The following PUS7L variants were observed in gnomAD, a reference collection of about 807,000 sequenced individuals.
PUS7L encodes the protein pseudouridine synthase 7 like, also known as pseudouridylate synthase PUS7L.
Under a neutral mutation model 51.1 loss-of-function variants are expected in PUS7L, and 49 were observed. The observed-to-expected ratio is 0.96, with a 90% CI of 0.76 to 1.22. The LOEUF is 1.22. Among genes scored for constraint, PUS7L ranks in the 50% most tolerant of loss-of-function variants. PUS7L has a pLI of 0.00. For missense variants in PUS7L, 828 were observed against 820.6 expected (o/e 1.01, Z -0.11); for synonymous variants, 277 against 276.2 (o/e 1.00, Z -0.03).
At position 43,726,688 on chromosome 12, in the gene PUS7L, T is replaced by G. The variant is rs926837866; in HGVS notation, c.*3688A>C. On this transcript the variant is annotated 3_prime_UTR_variant, in exon 9 of 9. Coordinates refer to ENST00000344862, the MANE Select transcript of PUS7L (RefSeq NM_031292.5). ...AATAAAAATACAAAAATTAGCCAGG[T>G]GTGGTGGTGGCCACTTGTAATCCCA... The G allele has an allele frequency of 6.6e-6, 1 of 151,816 alleles. No individual in the cohort carries two copies. The highest frequency in any genetic ancestry group is 2.4e-5 in the African/African-American group (1 of 41,280). 9.4% of individuals were successfully genotyped at this position (151,816 alleles called of 1,614,324 possible). A position where few individuals can be genotyped will look rare whatever the true frequency, so the allele number is the denominator to read the frequency against.
At position 43,748,585 on chromosome 12, in the gene PUS7L, A is replaced by G. The variant is rs1358841906; in HGVS notation, c.935T>C (p.Leu312Pro). ...AAAACCAATCGCTTCAAACATTTCC[A>G]GGTTTTCCTTTCGTAGGGTAAAAGC... ...YTAFTLRKEN[L>P]EMFEAIGFLA... Residue 312 changes from leucine (L) to proline (P), a missense_variant, in exon 3 of 9, where the codon CTG becomes CCG. Transcript: ENST00000344862. 3 of 1,589,842 alleles carry G rather than the reference A, an allele frequency of 1.9e-6. No individual in the cohort carries two copies. The highest frequency in any genetic ancestry group is 1.4e-5 in the African/African-American group (1 of 73,104).
intron 3 of PUS7L, 24 bp from the exon 4 acceptor site, chr12:43,746,262 C>A: frequency 9.6e-7 from 1 of 1,042,234 alleles, no homozygotes; most frequent in Non-Finnish European, 1.4e-6. Context: ...ATCATATAAA[C>A]TCAGTTAAAT....
At chr12:43,749,592 C>T (rs548575858) in intron 2 of PUS7L, among the ~76,000 whole-genome samples, 1 of 152,198 alleles carries the variant, frequency 6.6e-6, no homozygotes, top group Non-Finnish European at 1.5e-5. Context: ...ACTGCTTGAT[C>T]CTAGGAGGTC....
intron 7 of PUS7L, among the ~76,000 whole-genome samples, chr12:43,732,619 A>G (rs994790638): frequency 4.6e-5 from 7 of 152,182 alleles, no homozygotes; most frequent in African/African-American, 1.7e-4. Flanking sequence ...TCTCTTATAC[A>G]TGAAAGCTCA....
Position 43,736,432 on chromosome 12 carries a change from A to G in PUS7L, c.1674T>C (p.Asp558=). The change falls in exon 7 of 9, where the codon GAT becomes GAC. Residue 558 remains aspartate, a synonymous_variant. Coordinates refer to ENST00000344862, the MANE Select transcript of PUS7L (RefSeq NM_031292.5). ...ETYGARVVQG[D]LVCLDEDIDD... ...CAATGTCTTCATCCAAACAGACCAA[A>G]TCACCCTGCACTACTCTTGCTCCAT... 6.2e-7 allele frequency: 1 copy of G among 1,614,198 alleles called. No homozygotes were observed. Among genetic ancestry groups the G allele is most frequent in the South Asian group, 1.1e-5 (1 of 91,092 alleles).
intron 4 of PUS7L, 195 bp from the exon 5 acceptor site, chr12:43,742,750 G>T: frequency 1.6e-6 from 1 of 626,126 alleles, no homozygotes; most frequent in Non-Finnish European, 2.0e-6. Flanking sequence ...TTAGAAGTTA[G>T]AACATAAAAC....
Position 43,758,764 on chromosome 12 carries a change from C to T in PUS7L, c.-51G>A. ...GTGGAAGGCATTCATTTGCACAACG[C>T]TGTGCGCATGCCCGGAAGCCTTAAG... On this transcript the variant is annotated 5_prime_UTR_variant, in exon 1 of 9. Transcript: ENST00000344862. 1 of 977,810 alleles carries T rather than the reference C, an allele frequency of 1.0e-6. No individual in the cohort carries two copies. The highest frequency in any genetic ancestry group is 1.2e-6 in the Non-Finnish European group (1 of 823,882). The allele number at this position is 977,810 out of a possible 1,614,324, so 60.6% of individuals were successfully genotyped here.
At chr12:43,752,257 G>A (rs1938488718) in intron 2 of PUS7L, among the ~76,000 whole-genome samples, 2 of 152,182 alleles carry the variant, frequency 1.3e-5, no homozygotes, top group African/African-American at 2.4e-5. Context: ...CTGGCTGTTG[G>A]CATGAAGCTC....
chr12:43,749,082 TA>T (rs1315062537), intron 2 of PUS7L, among the ~76,000 whole-genome samples: 1 of 152,226 alleles, frequency 6.6e-6, no homozygotes, highest in Non-Finnish European at 1.5e-5. Flanking sequence ...CTGTTATTTT[TA>T]AACTGCTGGT....
chr12:43,730,787 A>C, intron 8 of PUS7L, 85 bp from the exon 9 acceptor site: 1 of 847,536 alleles, frequency 1.2e-6, no homozygotes, highest in Non-Finnish European at 1.8e-6. Flanking sequence ...TATGACTGCG[A>C]CCTGGATTTG....
rs1477817282 is a variant in PUS7L at position 43,726,331 on chromosome 12, T to C, written c.*4045A>G. On this transcript the variant is annotated 3_prime_UTR_variant, in exon 9 of 9. Coordinates refer to ENST00000344862, the MANE Select transcript of PUS7L (RefSeq NM_031292.5). ...ATTTAATAAATGGTGCTGGGATAAC[T>C]GGTTAGCCACATCCTGAGGATTGAA... 1.3e-5 allele frequency: 2 copies of C among 152,222 alleles called. No individual in the cohort carries two copies. The highest frequency in any genetic ancestry group is 4.8e-5 in the African/African-American group (2 of 41,460). 9.4% of individuals were successfully genotyped at this position (152,222 alleles called of 1,614,324 possible). A position where few individuals can be genotyped will look rare whatever the true frequency, so the allele number is the denominator to read the frequency against.
rs1565636352 is a variant in PUS7L, at chr12:43,742,549, C to T, written c.1270G>A (p.Gly424Ser). Residue 424 changes from glycine to serine, a missense_variant, in exon 5 of 9, where the codon GGC (glycine) becomes AGC (serine). Coordinates refer to ENST00000344862, the MANE Select transcript of PUS7L (RefSeq NM_031292.5). ...TGTGGTCCATAGTAATTCACAAAGCCTTTTTTCTATGTATACAAAATAATC... is the reference window on the plus strand; with the variant it reads ...TGTGGTCCATAGTAATTCACAAAGCTTTTTTTCTATGTATACAAAATAATC... ...MEAIENVKKK[G>S]FVNYYGPQRF... 2.5e-6 allele frequency: 4 copies of T among 1,596,582 alleles called. No individual in the cohort carries two copies. In the East Asian group the frequency reaches 6.8e-5, roughly 27 times the overall value.
At chr12:43,731,183 A>AT (rs1241925054) in intron 8 of PUS7L, among the ~76,000 whole-genome samples, 1 of 152,196 alleles carries the variant, frequency 6.6e-6, no homozygotes. Flanking sequence ...TAAACACTGC[A>AT]TTTTGTGGGT....
rs1375649942 is a variant in PUS7L at position 43,721,667 on chromosome 12, A to G, written c.*8709T>C. On this transcript the variant is annotated 3_prime_UTR_variant, in exon 9 of 9. Coordinates refer to ENST00000344862, the MANE Select transcript of PUS7L (RefSeq NM_031292.5). Reference sequence around the variant, plus strand: ...AATACAATGTGAGCCATGAGATGGTAGAGAACTATACAAAAGGCTATGAGA... The same window carrying G: ...AATACAATGTGAGCCATGAGATGGTGGAGAACTATACAAAAGGCTATGAGA... The G allele has an allele frequency of 1.3e-5, 2 of 152,212 alleles. No homozygotes were observed. The highest frequency in any genetic ancestry group is 1.3e-4 in the Admixed American group (2 of 15,290). 9.4% of individuals were successfully genotyped at this position (152,212 alleles called of 1,614,324 possible).
chr12:43,735,451 A>G lies in PUS7L; in HGVS notation c.1725+930T>C, dbSNP rs1165583411. ...TAACTTCACTAATATAAATGTCTCT[A>G]AGACATTGTTAAGAGGAAATTATGA... On this transcript the variant is annotated intron_variant, in intron 7 of 8. Coordinates refer to ENST00000344862, the MANE Select transcript of PUS7L (RefSeq NM_031292.5). 2.0e-5 allele frequency among the ~76,000 whole-genome samples: 3 copies of G among 152,184 alleles called. No homozygotes were observed. In the South Asian group the frequency reaches 6.2e-4, roughly 32 times the overall value.
At chr12:43,734,858 G>T (rs879714101) in intron 7 of PUS7L, among the ~76,000 whole-genome samples, 1 of 152,238 alleles carries the variant, frequency 6.6e-6, no homozygotes, top group South Asian at 2.1e-4. Context: ...TGTTACATAC[G>T]AAAGTGTTAC....
rs529620907 is a variant in PUS7L at position 43,742,317 on chromosome 12, A to G, written c.1362+140T>C. On this transcript the variant is annotated intron_variant, in intron 5 of 8. Coordinates refer to ENST00000344862, the MANE Select transcript of PUS7L (RefSeq NM_031292.5). ...ATCAAGGACAGAGCAGCAGCTTACT[A>G]AATGTTCAGTAATGTAATATATTTG... 1.5e-4 allele frequency: 94 copies of G among 608,674 alleles called. 3 individuals carry two copies. The South Asian group carries it at 1.7e-3, about 11-fold the overall frequency. 37.7% of individuals were successfully genotyped at this position (608,674 alleles called of 1,614,324 possible). A position where few individuals can be genotyped will look rare whatever the true frequency, so the allele number is the denominator to read the frequency against.
At chr12:43,756,550 C>A (rs1389687237) in intron 1 of PUS7L, among the ~76,000 whole-genome samples, 2 of 152,212 alleles carry the variant, frequency 1.3e-5, no homozygotes, top group African/African-American at 4.8e-5. Context: ...TGATCTCTGG[C>A]TCACTACCTT....
At chr12:43,756,590 A>G (rs1188793365) in intron 1 of PUS7L, among the ~76,000 whole-genome samples, 1 of 152,188 alleles carries the variant, frequency 6.6e-6, no homozygotes, top group Admixed American at 6.5e-5. Context: ...ATGATCATCT[A>G]TATGGATCAT....
Sources: gnomAD v4.1 joint callset for allele counts (sites outside exome capture counted in the v4.1 genomes callset) on GRCh38, gnomAD v4.1.1 for gene constraint, MANE v1.5 for transcripts, NCBI Gene and HGNC (gene_info 2026-07-23, HGNC 2026-07-21) for gene names.